Variants in RNGTT observed in about 807,000 individuals in gnomAD.
RNGTT encodes the protein RNA guanylyltransferase and 5'-phosphatase.
A neutral mutation model predicts 79.3 loss-of-function variants in RNGTT; 33 were observed. That is an observed-to-expected ratio of 0.42 (90% CI 0.32 to 0.56). The LOEUF is 0.56. RNGTT is among the 20% of genes least tolerant of loss of function. The probability of loss-of-function intolerance (pLI) is 0.17; values close to 1 mark genes in which losing one functional copy is unlikely to be tolerated. For synonymous variants in RNGTT, 222 were observed against 235.9 expected (o/e 0.94, Z 0.54); for missense variants, 497 against 739.1 (o/e 0.67, Z 3.80).
At chr6:88,748,464 TCTTA>T (rs1777738107) in intron 13 of RNGTT, among the ~76,000 whole-genome samples, 1 of 152,104 alleles carries the variant, frequency 6.6e-6, no homozygotes. Context: ...TTTGCTCAAA[TCTTA>T]CTTTATCAAT....
chr6:88,632,565 A>C (rs1772940049), intron 14 of RNGTT, among the ~76,000 whole-genome samples: 1 of 150,036 alleles, frequency 6.7e-6, no homozygotes, highest in African/African-American at 2.5e-5. Context: ...ACACACACAC[A>C]CACACACACA....
At chr6:88,769,654 T>G (rs1778581555) in intron 13 of RNGTT, 120 bp downstream of exon 13, 1 of 534,474 alleles carries the variant, frequency 1.9e-6, no homozygotes, top group African/African-American at 1.9e-5. Context: ...TCTTGTAAAA[T>G]AAAGTATTTT....
chr6:88,660,072 G>A lies in RNGTT; in HGVS notation c.1506+18281C>T, dbSNP rs564937784. 7.9e-5 allele frequency among the ~76,000 whole-genome samples: 12 copies of A among 152,284 alleles called. No homozygotes were observed. In the East Asian group the frequency reaches 1.2e-3, roughly 15 times the overall value. ...AAAATTAAGCTTCATAAATGAAGGC[G>A]AGATAGTCTGTTTTAGACAAACAAA... On this transcript the variant is annotated intron_variant, in intron 14 of 15. Transcript: ENST00000369485.
intron 11 of RNGTT, among the ~76,000 whole-genome samples, chr6:88,822,472 C>T (rs999103328): frequency 3.0e-4 from 46 of 152,140 alleles, no homozygotes; most frequent in African/African-American, 9.9e-4. Flanking sequence ...TTAAAAATAT[C>T]CTAAAAGTTA....
At chr6:88,949,026 GTT>G (rs1429301203) in intron 1 of RNGTT, among the ~76,000 whole-genome samples, 1 of 118,830 alleles carries the variant, frequency 8.4e-6, no homozygotes, top group Non-Finnish European at 1.7e-5. Flanking sequence ...TTGTTCACTT[GTT>G]TATCTGCTGA....
intron 13 of RNGTT, among the ~76,000 whole-genome samples, chr6:88,682,262 T>C (rs1775118918): frequency 6.6e-6 from 1 of 152,172 alleles, no homozygotes; most frequent in Non-Finnish European, 1.5e-5. Context: ...CTACAAGCCA[T>C]AACTATAGTA....
rs529201652 is a variant in RNGTT, at chr6:88,895,217, TGA to T, written c.685-3304_685-3303del. Reference sequence around the variant, plus strand: ...TTACAGAAGATGGAGGCAATTTATGTGAGAGAGAGCTCTGTGTGTGTGTGTGT... The same window carrying T: ...TTACAGAAGATGGAGGCAATTTATGTGAGAGAGCTCTGTGTGTGTGTGTGT... On this transcript the variant is annotated intron_variant, in intron 6 of 15. Transcript: ENST00000369485. Among the ~76,000 whole-genome samples the T allele has an allele frequency of 3.9e-3, 557 of 142,748 alleles. 5 individuals are homozygous for T. Among genetic ancestry groups the T allele is most frequent in the African/African-American group, 0.014 (516 of 37,824 alleles). 93.6% of individuals were successfully genotyped at this position (142,748 alleles called of 152,430 possible).
intron 14 of RNGTT, among the ~76,000 whole-genome samples, chr6:88,625,947 T>C (rs1772613906): frequency 1.3e-5 from 2 of 152,002 alleles, no homozygotes; most frequent in South Asian, 4.1e-4. Flanking sequence ...TGTTGATTAT[T>C]GATTTGTCAA....
chr6:88,641,363 C>A (rs1015750818), intron 14 of RNGTT, among the ~76,000 whole-genome samples: 9 of 144,792 alleles, frequency 6.2e-5, no homozygotes, highest in Admixed American at 2.7e-4. Flanking sequence ...AAAAAAATAA[C>A]CATGGTGAAG....
At chr6:88,889,120 G>C in intron 8 of RNGTT, among the ~76,000 whole-genome samples, 1 of 152,084 alleles carries the variant, frequency 6.6e-6, no homozygotes, top group East Asian at 1.9e-4. Context: ...ATCTCTAGGT[G>C]ATAAAATTTC....
Position 88,614,310 on chromosome 6 carries a change from G to T in RNGTT, c.1592C>A (p.Thr531Lys). 5 of 1,613,858 alleles carry T rather than the reference G, an allele frequency of 3.1e-6. No homozygotes were observed. The highest frequency in any genetic ancestry group is 4.2e-6 in the Non-Finnish European group (5 of 1,179,788). Residue 531 changes from threonine (T) to lysine (K), a missense_variant, in exon 15 of 16, where the codon ACA becomes AAA. By Grantham distance (78) the Thr-to-Lys change is moderately conservative. Coordinates refer to ENST00000369485, the MANE Select transcript of RNGTT (RefSeq NM_003800.5). The part of the protein sequence containing the change: ...NNSWVFMRQR[T>K]DKSFPNAYNT... ...GTAGGCATTAGGAAAACTTTTGTCT[G>T]TTCTCTGTCTCATGAAGACCCAGCT...
chr6:88,830,972 G>A lies in RNGTT; in HGVS notation c.1269+13385C>T, dbSNP rs1192454889. ...TAGCCTACCAACCAAAAACAGCCCA[G>A]GACCGGACAGATTCACAGCTGAATT... On this transcript the variant is annotated intron_variant, in intron 11 of 15. Transcript: ENST00000369485. Among the ~76,000 whole-genome samples the A allele has an allele frequency of 2.0e-5, 3 of 152,312 alleles. No homozygotes were observed. The East Asian group carries it at 5.8e-4, about 29-fold the overall frequency.
At chr6:88,941,812 A>C (rs1182075021) in intron 1 of RNGTT, among the ~76,000 whole-genome samples, 1 of 152,174 alleles carries the variant, frequency 6.6e-6, no homozygotes, top group Non-Finnish European at 1.5e-5. Context: ...AAAAATTGAC[A>C]ATCAAATATA....
chr6:88,614,090 A>C lies in RNGTT; in HGVS notation c.1630+182T>G, dbSNP rs148398203. ...GCACAAGATCACCAGTTTAGAGAGT[A>C]GAACCTACAAGCCAACTGGAGCCAA... On this transcript the variant is annotated intron_variant, in intron 15 of 15. Coordinates refer to ENST00000369485, the MANE Select transcript of RNGTT (RefSeq NM_003800.5). Among the ~76,000 whole-genome samples, 203 of 152,362 alleles carry C rather than the reference A, an allele frequency of 1.3e-3. 1 individual carries two copies. The Middle Eastern group carries it at 0.017, about 13-fold the overall frequency.
At position 88,612,646 on chromosome 6, in the gene RNGTT, T is replaced by C. The variant is rs1772068928; in HGVS notation, c.*73A>G. 8.0e-6 allele frequency: 11 copies of C among 1,368,640 alleles called. No individual in the cohort carries two copies. In the East Asian group the frequency reaches 2.5e-4, roughly 31 times the overall value. The allele number at this position is 1,368,640 out of a possible 1,614,324, so 84.8% of individuals were successfully genotyped here. A position where few individuals can be genotyped will look rare whatever the true frequency, so the allele number is the denominator to read the frequency against. On this transcript the variant is annotated 3_prime_UTR_variant, in exon 16 of 16. Transcript: ENST00000369485. ...AGCCACAGTCGTTTTTCAATTTCTC[T>C]GGCTACAAAAATGGGCAACAGCGTT...
At chr6:88,951,149 G>A (rs927248735) in intron 1 of RNGTT, among the ~76,000 whole-genome samples, 14 of 152,038 alleles carry the variant, frequency 9.2e-5, no homozygotes, top group South Asian at 2.1e-4. Flanking sequence ...GTGAGCCACC[G>A]CACCTGGCCA....
chr6:88,874,093 T>C (rs1269308031), intron 8 of RNGTT, among the ~76,000 whole-genome samples: 1 of 152,158 alleles, frequency 6.6e-6, no homozygotes, highest in Non-Finnish European at 1.5e-5. Flanking sequence ...ATAATGAGAA[T>C]GTACAGTGTC....
intron 13 of RNGTT, among the ~76,000 whole-genome samples, chr6:88,721,007 C>T (rs1260818357): frequency 6.6e-6 from 1 of 152,040 alleles, no homozygotes; most frequent in East Asian, 1.9e-4. Context: ...TCCCAAGACA[C>T]ATTCTCTTCT....
At chr6:88,801,923 A>G (rs1231451825) in intron 11 of RNGTT, among the ~76,000 whole-genome samples, 1 of 152,106 alleles carries the variant, frequency 6.6e-6, no homozygotes, top group Non-Finnish European at 1.5e-5. Flanking sequence ...AACCAAAATA[A>G]TGAATAAAGC....
Sources: gnomAD v4.1 joint callset for allele counts (sites outside exome capture counted in the v4.1 genomes callset) on GRCh38, gnomAD v4.1.1 for gene constraint, MANE v1.5 for transcripts, NCBI Gene and HGNC (gene_info 2026-07-23, HGNC 2026-07-21) for gene names.